YES1: variants seen among roughly 807,000 people sequenced by gnomAD.
The protein encoded by YES1 is tyrosine-protein kinase Yes.
Under a neutral mutation model 70.4 loss-of-function variants are expected in YES1, and 39 were observed. The ratio of observed to expected loss-of-function variants is 0.55; its 90% CI spans 0.43 to 0.72. The LOEUF (loss-of-function observed/expected upper bound fraction) is 0.72. Ranked by LOEUF, YES1 falls within the 30% of genes least tolerant of loss-of-function variation. The pLI is 0.00. For missense variants in YES1, 495 were observed against 644.8 expected, an observed-to-expected ratio of 0.77 and a Z score of 2.52; for synonymous variants, 198 against 218.6, an observed-to-expected ratio of 0.91 and a Z score of 0.83.
At chr18:733,003 A>T (rs754827724) in intron 10 of YES1, 38 bp from the exon 11 acceptor site, 6 of 1,609,764 alleles carry the variant, frequency 3.7e-6, no homozygotes, top group Non-Finnish European at 5.1e-6. Context: ...ATTGTTTTTT[A>T]AAAATCTATT....
At chr18:762,284 C>T (rs1203119989) in intron 1 of YES1, among the ~76,000 whole-genome samples, 2 of 152,154 alleles carry the variant, frequency 1.3e-5, no homozygotes, top group African/African-American at 4.8e-5. Flanking sequence ...TGCGTCATTG[C>T]ACTCCAGCCT....
intron 1 of YES1, among the ~76,000 whole-genome samples, chr18:772,299 G>A (rs914225127): frequency 6.6e-6 from 1 of 151,964 alleles, no homozygotes; most frequent in African/African-American, 2.4e-5. Context: ...AAAGTGCTGG[G>A]ATTACAGGCA....
chr18:797,568 T>C (rs1404834423), intron 1 of YES1, among the ~76,000 whole-genome samples: 2 of 152,194 alleles, frequency 1.3e-5, no homozygotes, highest in Non-Finnish European at 2.9e-5. Flanking sequence ...CCACTGACAA[T>C]GACCTATATG....
At chr18:730,039 T>C (rs1159020673) in intron 11 of YES1, among the ~76,000 whole-genome samples, 2 of 152,232 alleles carry the variant, frequency 1.3e-5, no homozygotes, top group Non-Finnish European at 2.9e-5. Context: ...GATCATGTTA[T>C]CTTTTTCTGA....
At chr18:733,049 T>C (rs2080110803) in intron 10 of YES1, 84 bp from the exon 11 acceptor site, 4 of 1,340,084 alleles carry the variant, frequency 3.0e-6, no homozygotes, top group Non-Finnish European at 4.3e-6. Flanking sequence ...TAATGTTCTG[T>C]CAATATCTCT....
intron 1 of YES1, among the ~76,000 whole-genome samples, chr18:780,853 A>G (rs938213816): frequency 7.2e-5 from 11 of 152,144 alleles, no homozygotes; most frequent in Non-Finnish European, 1.2e-4. Flanking sequence ...TAATTCTCCA[A>G]TCCTTCCTGG....
At chr18:809,170 C>G (rs1349814996) in intron 1 of YES1, among the ~76,000 whole-genome samples, 3 of 152,028 alleles carry the variant, frequency 2.0e-5, no homozygotes, top group Non-Finnish European at 2.9e-5. Flanking sequence ...CAAGCCGAAG[C>G]GGATTTTAAT....
chr18:783,300 C>T (rs1460201534), intron 1 of YES1, among the ~76,000 whole-genome samples: 3 of 152,068 alleles, frequency 2.0e-5, no homozygotes, highest in Non-Finnish European at 4.4e-5. Flanking sequence ...CTCAAATATA[C>T]ATTTAAAAAC....
intron 11 of YES1, among the ~76,000 whole-genome samples, chr18:731,209 A>G (rs2080083984): frequency 6.6e-6 from 1 of 152,208 alleles, no homozygotes; most frequent in African/African-American, 2.4e-5. Context: ...AGGTATGAAG[A>G]TGGAAAGACT....
At chr18:805,933 A>T (rs1252817421) in intron 1 of YES1, among the ~76,000 whole-genome samples, 1 of 152,174 alleles carries the variant, frequency 6.6e-6, no homozygotes, top group Non-Finnish European at 1.5e-5. Flanking sequence ...AAAACCTAGA[A>T]TCCACATTTT....
chr18:741,535 G>A (rs1057438547), intron 8 of YES1, among the ~76,000 whole-genome samples: 1 of 152,164 alleles, frequency 6.6e-6, no homozygotes, highest in African/African-American at 2.4e-5. Flanking sequence ...TGGGTGTGGT[G>A]GCTCACACCT....
chr18:751,824 C>A lies in YES1; in HGVS notation c.272-20G>T, dbSNP rs567777835. 4 of 1,384,268 alleles carry A rather than the reference C, an allele frequency of 2.9e-6. No homozygotes were observed. In the South Asian group the frequency reaches 4.8e-5, roughly 17 times the overall value. 85.7% of individuals were successfully genotyped at this position (1,384,268 alleles called of 1,614,324 possible). The stretch of plus-strand genomic sequence containing the variant: ...CACCACCTATCAGAGGGAAAAAAGA[C>A]CAAGGTAAATTATGTAGCTAACTTA... On this transcript the variant is annotated intron_variant, in intron 2 of 11. Coordinates refer to ENST00000314574, the MANE Select transcript of YES1 (RefSeq NM_005433.4).
chr18:780,294 A>C (rs1598930692), intron 1 of YES1, among the ~76,000 whole-genome samples: 1 of 152,200 alleles, frequency 6.6e-6, no homozygotes, highest in Non-Finnish European at 1.5e-5. Context: ...GGAGGCCTTT[A>C]AGAGGTGATT....
rs1060922 is a variant in YES1, at chr18:722,402, T to G, written c.*2022A>C. 6.6e-6 allele frequency: 1 copy of G among 152,424 alleles called. No individual in the cohort carries two copies. The highest frequency in any genetic ancestry group is 1.5e-5 in the Non-Finnish European group (1 of 67,998). The allele number at this position is 152,424 out of a possible 1,614,324, so 9.4% of individuals were successfully genotyped here. ...AAAATGGTTTGAATTTGAACATATA[T>G]GCCATGGCACAGAATTTCGAATCTG... On this transcript the variant is annotated 3_prime_UTR_variant, in exon 12 of 12. Coordinates refer to ENST00000314574, the MANE Select transcript of YES1 (RefSeq NM_005433.4).
chr18:725,891 G>A (rs1341169323), intron 11 of YES1, among the ~76,000 whole-genome samples: 4 of 151,718 alleles, frequency 2.6e-5, no homozygotes, highest in African/African-American at 9.7e-5. Flanking sequence ...CTCGCGGGGT[G>A]GGGAAGTGAA....
rs995959981 is a variant in YES1 at position 802,553 on chromosome 18, A to T, written c.-9+9561T>A. On this transcript the variant is annotated intron_variant, in intron 1 of 11. Transcript: ENST00000314574. Reference sequence around the variant, plus strand: ...GAGTGAAACTCCATCTCAAAAAAAAAAAAAAAAAGTATTAATTGAACATTC... The same window carrying T: ...GAGTGAAACTCCATCTCAAAAAAAATAAAAAAAAGTATTAATTGAACATTC... Among the ~76,000 whole-genome samples, 54 of 152,180 alleles carry T rather than the reference A, an allele frequency of 3.5e-4. 1 individual carries two copies. The highest frequency in any genetic ancestry group is 3.4e-3 in the Middle Eastern group (1 of 294).
At chr18:785,445 GGCTTGTTCTAAGTA>G (rs72194254) in intron 1 of YES1, among the ~76,000 whole-genome samples, 13,155 of 152,110 alleles carry the variant, frequency 0.086, 747 homozygotes, top group Non-Finnish European at 0.12. Context: ...AGTAAAGCTG[GGCTTGTTCTAAGTA>G]GCTTGTTCTA....
intron 1 of YES1, among the ~76,000 whole-genome samples, chr18:778,406 C>T (rs1012547610): frequency 6.6e-6 from 1 of 152,214 alleles, no homozygotes; most frequent in African/African-American, 2.4e-5. Flanking sequence ...GGAAACAGCA[C>T]CCTGCCTGTC....
At chr18:724,728 T>A (rs1383288231) in intron 11 of YES1, 96 bp from the exon 12 acceptor site, 11 of 890,040 alleles carry the variant, frequency 1.2e-5, no homozygotes, top group Non-Finnish European at 1.7e-5. Flanking sequence ...TCAAAGTATA[T>A]TATTTAGTGA....
Sources: allele counts gnomAD v4.1 joint callset (sites outside exome capture counted in the v4.1 genomes callset), GRCh38; gene constraint gnomAD v4.1.1; transcripts MANE v1.5; gene names NCBI Gene and HGNC (gene_info 2026-07-23, HGNC 2026-07-21).